The following C4orf51 variants were observed in gnomAD, a reference collection of about 807,000 sequenced individuals.
The protein encoded by C4orf51 is uncharacterized protein C4orf51.
C4orf51 carries 25 observed loss-of-function variants against 25.2 expected under a neutral mutation model. The observed-to-expected ratio is 0.99, with a 90% CI of 0.72 to 1.39. The LOEUF (loss-of-function observed/expected upper bound fraction) is 1.39. Ranked by LOEUF, C4orf51 falls within the 40% of genes most tolerant of loss-of-function variation. The probability of loss-of-function intolerance (pLI) is 0.00; values close to 1 mark genes in which losing one functional copy is unlikely to be tolerated. For missense variants in C4orf51, 252 were observed against 239.6 expected (o/e 1.05, Z -0.34); for synonymous variants, 100 against 84.5 (o/e 1.18, Z -1.01).
chr4:145,768,650 A>G (rs192748991), intron 1 of C4orf51, among the ~76,000 whole-genome samples: 43 of 151,344 alleles, frequency 2.8e-4, no homozygotes, highest in South Asian at 2.1e-3. Context: ...AAATCAGTTC[A>G]TTAAGCAATC....
intron 1 of C4orf51, among the ~76,000 whole-genome samples, chr4:145,752,527 A>G (rs1236511694): frequency 6.6e-6 from 1 of 152,182 alleles, no homozygotes; most frequent in Non-Finnish European, 1.5e-5. Flanking sequence ...AAGTTACAAG[A>G]CAAAGCCCTC....
intron 4 of C4orf51, among the ~76,000 whole-genome samples, chr4:145,729,523 G>C (rs570085617): frequency 3.9e-5 from 6 of 152,118 alleles, no homozygotes; most frequent in East Asian, 3.9e-4. Context: ...GGATGGTCTC[G>C]ATCTTCCGAC....
chr4:145,770,299 A>AAAATAAATAAAT (rs150231954), intron 1 of C4orf51, among the ~76,000 whole-genome samples: 29 of 87,264 alleles, frequency 3.3e-4, no homozygotes, highest in Non-Finnish European at 5.5e-4. Context: ...ACCCTGTCTT[A>AAAATAAATAAAT]AAATAAATAA....
chr4:145,738,478 AG>A (rs1732931770), intron 1 of C4orf51, among the ~76,000 whole-genome samples: 1 of 151,082 alleles, frequency 6.6e-6, no homozygotes, highest in Non-Finnish European at 1.5e-5. Context: ...ATATATATAT[AG>A]ACACACACAC....
At chr4:145,706,667 GTC>G (rs1005832361) in intron 2 of C4orf51, among the ~76,000 whole-genome samples, 10 of 152,000 alleles carry the variant, frequency 6.6e-5, no homozygotes, top group Non-Finnish European at 2.9e-5. Context: ...TTGGGACAGA[GTC>G]TCGCTCTGTC....
At chr4:145,702,111 A>G (rs936605700) in intron 2 of C4orf51, among the ~76,000 whole-genome samples, 22 of 152,258 alleles carry the variant, frequency 1.4e-4, no homozygotes, top group African/African-American at 5.1e-4. Context: ...AAAAGGATTA[A>G]AGCCTGTTAT....
chr4:145,716,570 T>A (rs1731427299), intron 2 of C4orf51, among the ~76,000 whole-genome samples: 2 of 152,236 alleles, frequency 1.3e-5, no homozygotes, highest in Non-Finnish European at 2.9e-5. Flanking sequence ...GGGTTGAATC[T>A]TTGAAGGTTT....
intron 2 of C4orf51, among the ~76,000 whole-genome samples, chr4:145,697,121 A>G (rs1360858396): frequency 1.3e-5 from 2 of 149,282 alleles, no homozygotes; most frequent in East Asian, 2.0e-4. Flanking sequence ...TTTTTTTGAG[A>G]AAGGGTCTCA....
intron 1 of C4orf51, among the ~76,000 whole-genome samples, chr4:145,747,280 A>C (rs1039795426): frequency 5.9e-5 from 9 of 152,094 alleles, no homozygotes; most frequent in Non-Finnish European, 1.2e-4. Context: ...TCCATATCTT[A>C]GAGGAAAAGC....
chr4:145,710,710 GT>G (rs1731085093), intron 2 of C4orf51, among the ~76,000 whole-genome samples: 1 of 151,706 alleles, frequency 6.6e-6, no homozygotes, highest in African/African-American at 2.4e-5. Context: ...CCCGGCATTG[GT>G]TGCAGCCAAT....
downstream of C4orf51, chr4:145,774,418 G>T: frequency 7.0e-7 from 1 of 1,420,980 alleles, no homozygotes; most frequent in Non-Finnish European, 9.7e-7. Flanking sequence ...ATGTCTCAGG[G>T]CAGTGGGGAT....
At chr4:145,751,709 T>A (rs753256958) in intron 1 of C4orf51, among the ~76,000 whole-genome samples, 3 of 152,240 alleles carry the variant, frequency 2.0e-5, no homozygotes, top group Non-Finnish European at 4.4e-5. Flanking sequence ...GCCAGGCTTA[T>A]GTCCTTCCTT....
Position 145,761,207 on chromosome 4 carries a change from T to C in C4orf51, n.167-9781T>C. 1 of 1,289,838 alleles carries C rather than the reference T, an allele frequency of 7.8e-7. No homozygotes were observed. Among genetic ancestry groups the C allele is most frequent in the Non-Finnish European group, 1.0e-6 (1 of 988,860 alleles). The allele number at this position is 1,289,838 out of a possible 1,614,324, so 79.9% of individuals were successfully genotyped here. On this transcript the variant is annotated intron_variant and non_coding_transcript_variant, in intron 1 of 1. Transcript: ENST00000510096. This position sits in a 1 kb window ranked among gnomAD's most constrained non-coding sequence, Gnocchi z 6.8. ...GGGCAGTCCCCACTCTGGTGCTTCTTGACGTGGCGGCTGAAGACGAAAGGG... is the reference window on the plus strand; with the variant it reads ...GGGCAGTCCCCACTCTGGTGCTTCTCGACGTGGCGGCTGAAGACGAAAGGG...
chr4:145,680,471 C>T (rs1728762872), intron 1 of C4orf51, 35 bp downstream of exon 1: 3 of 1,480,708 alleles, frequency 2.0e-6, no homozygotes, highest in Non-Finnish European at 2.8e-6. Context: ...CTGGATATAT[C>T]ACTATAAATA....
At chr4:145,757,788 T>C, downstream of C4orf51, 1 of 151,440 alleles carries the variant, frequency 6.6e-6, no homozygotes, top group East Asian at 1.9e-4. Context: ...CAATACAAAT[T>C]TTCAGTAATG....
chr4:145,756,087 G>C (rs1733929318), downstream of C4orf51, among the ~76,000 whole-genome samples: 1 of 152,174 alleles, frequency 6.6e-6, no homozygotes, highest in Non-Finnish European at 1.5e-5. Context: ...CCTTCAAATT[G>C]TTCACAAGCC....
At chr4:145,725,447 T>C (rs1013104588) in intron 2 of C4orf51, among the ~76,000 whole-genome samples, 1 of 152,092 alleles carries the variant, frequency 6.6e-6, no homozygotes, top group Non-Finnish European at 1.5e-5. Flanking sequence ...TTTTTCCCAC[T>C]AGAAATGAAA....
chr4:145,733,844 CAGT>C (rs1322617177), downstream of C4orf51, among the ~76,000 whole-genome samples: 1 of 152,162 alleles, frequency 6.6e-6, no homozygotes, highest in Non-Finnish European at 1.5e-5. Context: ...TGGCCAGCCC[CAGT>C]AGACATCCCA....
intron 2 of C4orf51, among the ~76,000 whole-genome samples, chr4:145,708,029 A>T (rs1730923385): frequency 6.6e-6 from 1 of 152,196 alleles, no homozygotes; most frequent in Non-Finnish European, 1.5e-5. Context: ...AGCCATGGAC[A>T]TAGCTTTTAT....
Sources: gnomAD v4.1 joint callset for allele counts (sites outside exome capture counted in the v4.1 genomes callset) on GRCh38, gnomAD v4.1.1 for gene constraint, Gnocchi (gnomAD v3.1) non-coding constraint, MANE v1.5 for transcripts, NCBI Gene and HGNC (gene_info 2026-07-23, HGNC 2026-07-21) for gene names.